The following NETO2 variants were observed in gnomAD, a reference collection of about 807,000 sequenced individuals.
NETO2 encodes the protein neuropilin and tolloid-like protein 2.
A neutral mutation model predicts 62.5 loss-of-function variants in NETO2; 28 were observed. The observed-to-expected ratio is 0.45, with a 90% CI of 0.33 to 0.61. The LOEUF (loss-of-function observed/expected upper bound fraction) is 0.61, where lower values mean the gene tolerates loss of function less well. Ranked by LOEUF, NETO2 falls within the 20% of genes least tolerant of loss-of-function variation. The pLI, the probability that NETO2 is intolerant of heterozygous loss-of-function variation, is 0.02. For synonymous variants in NETO2, 214 were observed against 219.1 expected, an observed-to-expected ratio of 0.98 and a Z score of 0.21; for missense variants, 548 against 643.2, an observed-to-expected ratio of 0.85 and a Z score of 1.60.
At chr16:47,119,682 G>A (rs1376489510) in intron 6 of NETO2, among the ~76,000 whole-genome samples, 4 of 151,498 alleles carry the variant, frequency 2.6e-5, no homozygotes, top group Non-Finnish European at 4.4e-5. Flanking sequence ...TAGCTGTACC[G>A]CAGTTTTTTT....
rs748267147 is a variant in NETO2, at chr16:47,083,402, G to A, written c.1397C>T (p.Ala466Val). 14 of 1,614,200 alleles carry A rather than the reference G, an allele frequency of 8.7e-6. No individual in the cohort carries two copies. The highest frequency in any genetic ancestry group is 1.2e-5 in the Non-Finnish European group (14 of 1,180,042). The change falls in exon 9 of 9, where the codon GCA (alanine) becomes GTA (valine). Residue 466 changes from alanine (A) to valine (V), a missense_variant. Physicochemically the swap from Ala to Val is moderately conservative, Grantham distance 64. Coordinates refer to ENST00000562435, the MANE Select transcript of NETO2 (RefSeq NM_018092.5). ...SMELPFRNDFAQPQPMKTFNS... is the reference protein window; with the variant it reads ...SMELPFRNDFVQPQPMKTFNS... ...AAATGTTTTCATTGGCTGTGGTTGT[G>A]CAAAGTCATTTCGGAAAGGAAGTTC...
At chr16:47,086,189 CTT>C (rs753905649) in intron 8 of NETO2, 35 bp downstream of exon 8, 7 of 1,187,186 alleles carry the variant, frequency 5.9e-6, no homozygotes, top group Non-Finnish European at 8.8e-6. Context: ...AATAGCCACT[CTT>C]TTCTCAAAAA....
intron 7 of NETO2, among the ~76,000 whole-genome samples, chr16:47,101,735 G>A (rs1963550076): frequency 6.6e-6 from 1 of 152,068 alleles, no homozygotes; most frequent in Non-Finnish European, 1.5e-5. Context: ...GGGATGTGAA[G>A]GACCACTTCA....
chr16:47,141,941 C>T (rs1309479104), intron 1 of NETO2, among the ~76,000 whole-genome samples: 1 of 152,168 alleles, frequency 6.6e-6, no homozygotes, highest in Non-Finnish European at 1.5e-5. Flanking sequence ...CGCTACCAGC[C>T]CCTACCCTAT....
chr16:47,116,247 A>G (rs975628162), intron 6 of NETO2, among the ~76,000 whole-genome samples: 1 of 150,254 alleles, frequency 6.7e-6, no homozygotes, highest in African/African-American at 2.5e-5. Flanking sequence ...CAGCCTCCTT[A>G]ACAGCTGGAA....
chr16:47,100,502 A>T (rs1279987692), intron 7 of NETO2, among the ~76,000 whole-genome samples: 1 of 152,144 alleles, frequency 6.6e-6, no homozygotes, highest in Non-Finnish European at 1.5e-5. Context: ...AACAAAAGCA[A>T]TGAGTCCAGG....
At chr16:47,125,500 C>T (rs1041393273) in intron 4 of NETO2, among the ~76,000 whole-genome samples, 5 of 151,790 alleles carry the variant, frequency 3.3e-5, no homozygotes, top group African/African-American at 9.7e-5. Flanking sequence ...CGTGCACCAC[C>T]ACGCCCAGCT....
intron 1 of NETO2, among the ~76,000 whole-genome samples, chr16:47,142,449 A>C (rs879585220): frequency 6.6e-6 from 1 of 152,242 alleles, no homozygotes; most frequent in East Asian, 1.9e-4. Flanking sequence ...TGAACTTTCT[A>C]ATAAAACAAA....
At chr16:47,120,969 C>T (rs926142566) in intron 6 of NETO2, among the ~76,000 whole-genome samples, 7 of 151,970 alleles carry the variant, frequency 4.6e-5, no homozygotes, top group Non-Finnish European at 8.8e-5. Context: ...GGGAGGCGCA[C>T]GTCACATGTG....
At chr16:47,098,900 C>T (rs543451310) in intron 7 of NETO2, among the ~76,000 whole-genome samples, 5 of 152,146 alleles carry the variant, frequency 3.3e-5, no homozygotes, top group African/African-American at 7.2e-5. Flanking sequence ...GTGTATGTGA[C>T]GGAGTCTCGC....
intron 7 of NETO2, among the ~76,000 whole-genome samples, chr16:47,108,207 A>C (rs1277366448): frequency 6.6e-6 from 1 of 152,234 alleles, no homozygotes; most frequent in African/African-American, 2.4e-5. Flanking sequence ...AATGTTAATT[A>C]ATGTATACAG....
intron 4 of NETO2, among the ~76,000 whole-genome samples, chr16:47,123,466 A>G (rs958064112): frequency 5.9e-5 from 9 of 152,018 alleles, no homozygotes; most frequent in Non-Finnish European, 8.8e-5. Flanking sequence ...AGACAGCACT[A>G]TTGCCCTTCA....
chr16:47,113,500 G>C (rs1364725952), intron 6 of NETO2, among the ~76,000 whole-genome samples: 1 of 151,722 alleles, frequency 6.6e-6, no homozygotes, highest in African/African-American at 2.4e-5. Flanking sequence ...TTAGCATGAT[G>C]CATTTGGGGT....
At chr16:47,101,627 T>A (rs1963546781) in intron 7 of NETO2, among the ~76,000 whole-genome samples, 1 of 152,104 alleles carries the variant, frequency 6.6e-6, no homozygotes, top group Non-Finnish European at 1.5e-5. Context: ...TCACAAGGAT[T>A]CCTATACACC....
chr16:47,089,210 T>C (rs1241120661), intron 7 of NETO2, among the ~76,000 whole-genome samples: 5 of 152,170 alleles, frequency 3.3e-5, no homozygotes, highest in Admixed American at 2.0e-4. Context: ...AGTTCAAGTA[T>C]GAGAACCCCT....
chr16:47,101,549 C>T (rs1346513675), intron 7 of NETO2, among the ~76,000 whole-genome samples: 1 of 152,162 alleles, frequency 6.6e-6, no homozygotes, highest in African/African-American at 2.4e-5. Flanking sequence ...TCGTCTCAGC[C>T]CAAAATCTCC....
chr16:47,137,210 TGG>T (rs1964376049), intron 1 of NETO2, among the ~76,000 whole-genome samples: 1 of 152,216 alleles, frequency 6.6e-6, no homozygotes, highest in Non-Finnish European at 1.5e-5. Flanking sequence ...ACTGTGACCG[TGG>T]TCCTCAAACT....
At chr16:47,115,720 T>A (rs1963902870) in intron 6 of NETO2, among the ~76,000 whole-genome samples, 1 of 140,098 alleles carries the variant, frequency 7.1e-6, no homozygotes, top group South Asian at 2.1e-4. Flanking sequence ...TATACATATA[T>A]ATATATATAT....
At chr16:47,141,932 G>C (rs1312337354) in intron 1 of NETO2, among the ~76,000 whole-genome samples, 1 of 152,156 alleles carries the variant, frequency 6.6e-6, no homozygotes, top group Non-Finnish European at 1.5e-5. Context: ...TGGAGGAGGC[G>C]CTACCAGCCC....
Sources: allele counts gnomAD v4.1 joint callset (sites outside exome capture counted in the v4.1 genomes callset), GRCh38; gene constraint gnomAD v4.1.1; transcripts MANE v1.5; gene names NCBI Gene and HGNC (gene_info 2026-07-23, HGNC 2026-07-21).